Variants in RB1CC1 observed in about 807,000 individuals in gnomAD.
The protein encoded by RB1CC1 is RB1-inducible coiled-coil protein 1.
RB1CC1 carries 46 observed loss-of-function variants against 177.5 expected under a neutral mutation model. The observed-to-expected ratio is 0.26, with a 90% CI of 0.20 to 0.33. The LOEUF (loss-of-function observed/expected upper bound fraction) is 0.33. Among genes scored for constraint, RB1CC1 ranks in the 10% least tolerant of loss-of-function variants. The pLI, the probability that RB1CC1 is intolerant of heterozygous loss-of-function variation, is 1.00. For synonymous variants in RB1CC1, 666 were observed against 613.6 expected (o/e 1.09, Z -1.26); for missense variants, 1,703 against 1,816.3 (o/e 0.94, Z 1.13).
chr8:52,712,710 G>A (rs1857162840), intron 1 of RB1CC1, among the ~76,000 whole-genome samples: 1 of 152,272 alleles, frequency 6.6e-6, no homozygotes, highest in East Asian at 1.9e-4. Context: ...TAAGCATTAT[G>A]TGCCTAAAGC....
intron 1 of RB1CC1, among the ~76,000 whole-genome samples, chr8:52,704,552 G>C (rs1347361433): frequency 6.7e-6 from 1 of 149,976 alleles, no homozygotes; most frequent in Non-Finnish European, 1.5e-5. Context: ...TAAAACTTAA[G>C]AGGATAAACT....
intron 1 of RB1CC1, among the ~76,000 whole-genome samples, chr8:52,705,476 C>T (rs938827386): frequency 6.6e-6 from 1 of 152,146 alleles, no homozygotes; most frequent in South Asian, 2.1e-4. Flanking sequence ...AACAGTGGGT[C>T]CACTGGCACA....
chr8:52,679,792 G>C (rs991808161), intron 5 of RB1CC1, among the ~76,000 whole-genome samples: 1 of 152,186 alleles, frequency 6.6e-6, no homozygotes, highest in Non-Finnish European at 1.5e-5. Flanking sequence ...TGGGTGGACA[G>C]CAAGAACCTC....
intron 23 of RB1CC1, 131 bp downstream of exon 23, chr8:52,624,586 T>C (rs1848251205): frequency 2.8e-6 from 2 of 726,776 alleles, no homozygotes; most frequent in Admixed American, 2.8e-5. Context: ...AAACTCACTC[T>C]CATTAAATTC....
At chr8:52,706,188 C>A (rs945877600) in intron 1 of RB1CC1, among the ~76,000 whole-genome samples, 1 of 151,122 alleles carries the variant, frequency 6.6e-6, no homozygotes, top group Non-Finnish European at 1.5e-5. Flanking sequence ...AAATAAAGAA[C>A]CTGAATTTGT....
chr8:52,681,169 T>C (rs1175622534), intron 5 of RB1CC1, among the ~76,000 whole-genome samples: 1 of 151,922 alleles, frequency 6.6e-6, no homozygotes, highest in Non-Finnish European at 1.5e-5. Flanking sequence ...TTTTTGCATT[T>C]TTTTTTTAAG....
chr8:52,681,822 CCGCCTAGATTTCAGAAGATGTACGGAAA>C (rs1166843550), intron 5 of RB1CC1, among the ~76,000 whole-genome samples: 1 of 152,176 alleles, frequency 6.6e-6, no homozygotes, highest in Non-Finnish European at 1.5e-5. Flanking sequence ...TGGGGAACCA[CCGCCTAGATTTCAGAAGATGTACGGAAA>C]CGCCTAGATG....
Position 52,683,659 on chromosome 8 carries a change from T to C in RB1CC1, c.259A>G (p.Ile87Val), listed in dbSNP as rs1476784306. 2.5e-6 allele frequency: 4 copies of C among 1,612,124 alleles called. No individual in the cohort carries two copies. The highest frequency in any genetic ancestry group is 1.3e-5 in the African/African-American group (1 of 74,872). The stretch of plus-strand genomic sequence containing the variant: ...TCTGTCGAAAAGGTAGTTTTAGGAA[T>C]AGCAGGTGGACGATCACATAAGATC... ...EMILCDRPPA[I>V]PKTTFSTEND... The change falls in exon 5 of 24, where the codon ATT becomes GTT. Residue 87 changes from isoleucine (I) to valine (V), a missense_variant. This residue lies in a region of RB1CC1 where 118 missense variants were observed against 121.2 expected (regional missense o/e 0.97). Coordinates refer to ENST00000025008, the MANE Select transcript of RB1CC1 (RefSeq NM_014781.5).
chr8:52,667,740 A>C (rs1034176877), intron 8 of RB1CC1, among the ~76,000 whole-genome samples: 1 of 152,188 alleles, frequency 6.6e-6, no homozygotes, highest in Non-Finnish European at 1.5e-5. Flanking sequence ...GAAGCATTGA[A>C]ATTTTTAGCA....
At chr8:52,626,894 C>A (rs1367799376) in intron 22 of RB1CC1, among the ~76,000 whole-genome samples, 1 of 151,934 alleles carries the variant, frequency 6.6e-6, no homozygotes, top group Non-Finnish European at 1.5e-5. Context: ...CAAAACAAAA[C>A]AAAAAATGGG....
intron 19 of RB1CC1, 121 bp from the exon 20 acceptor site, chr8:52,635,089 G>T: frequency 3.8e-6 from 3 of 790,336 alleles, no homozygotes; most frequent in Non-Finnish European, 6.1e-6. Flanking sequence ...AAGTTGATGG[G>T]GATATTATTT....
At chr8:52,633,347 T>C (rs935010354) in intron 20 of RB1CC1, among the ~76,000 whole-genome samples, 6 of 152,214 alleles carry the variant, frequency 3.9e-5, no homozygotes, top group Non-Finnish European at 8.8e-5. Flanking sequence ...ATGCTAAGAA[T>C]GTAGCGGTGA....
At chr8:52,658,563 C>T (rs1180433015) in intron 13 of RB1CC1, among the ~76,000 whole-genome samples, 7 of 117,632 alleles carry the variant, frequency 6.0e-5, no homozygotes, top group East Asian at 2.4e-4. Context: ...GGCGAGAGAG[C>T]GAGACTCCGT....
intron 1 of RB1CC1, among the ~76,000 whole-genome samples, chr8:52,688,954 G>A (rs1854557879): frequency 6.6e-6 from 1 of 152,168 alleles, no homozygotes; most frequent in Non-Finnish European, 1.5e-5. Flanking sequence ...AAGAAAAAAT[G>A]TGGTACTTGG....
At chr8:52,707,789 C>T (rs1483346919) in intron 1 of RB1CC1, among the ~76,000 whole-genome samples, 1 of 152,110 alleles carries the variant, frequency 6.6e-6, no homozygotes, top group Non-Finnish European at 1.5e-5. Flanking sequence ...CTTAATTGTA[C>T]TATCTGCCCA....
At chr8:52,674,460 C>T (rs1372474380) in intron 6 of RB1CC1, among the ~76,000 whole-genome samples, 186 bp from the exon 7 acceptor site, 4 of 152,116 alleles carry the variant, frequency 2.6e-5, no homozygotes, top group South Asian at 2.1e-4. Flanking sequence ...GAGAGGCTAT[C>T]GTTAACCCAT....
rs528626952 is a variant in RB1CC1 at position 52,690,871 on chromosome 8, G to A, written c.-166-3904C>T. On this transcript the variant is annotated intron_variant, in intron 1 of 23. Coordinates refer to ENST00000025008, the MANE Select transcript of RB1CC1 (RefSeq NM_014781.5). ...CTCTCTCCACATACGTATACACACAGGGATATATTTTTTCCTGAACTACTG... is the reference window on the plus strand; with the variant it reads ...CTCTCTCCACATACGTATACACACAAGGATATATTTTTTCCTGAACTACTG... Among the ~76,000 whole-genome samples, 6 of 152,166 alleles carry A rather than the reference G, an allele frequency of 3.9e-5. No individual in the cohort carries two copies. The East Asian group carries it at 1.2e-3, about 29-fold the overall frequency.
At chr8:52,649,111 G>A (rs778709731) in intron 15 of RB1CC1, among the ~76,000 whole-genome samples, 4 of 152,078 alleles carry the variant, frequency 2.6e-5, no homozygotes, top group East Asian at 1.9e-4. Context: ...CCATAAGAGC[G>A]AAATCACATA....
At chr8:52,662,432 A>C (rs943834133) in intron 8 of RB1CC1, among the ~76,000 whole-genome samples, 4 of 152,092 alleles carry the variant, frequency 2.6e-5, no homozygotes, top group Admixed American at 6.6e-5. Flanking sequence ...TTATCTCTCA[A>C]GTATATTTAG....
Sources: gnomAD v4.1 joint callset for allele counts (sites outside exome capture counted in the v4.1 genomes callset) on GRCh38, gnomAD v4.1.1 for gene constraint, gnomAD v4.1.1 regional missense constraint, MANE v1.5 for transcripts, NCBI Gene and HGNC (gene_info 2026-07-23, HGNC 2026-07-21) for gene names.